Variants in RSU1 observed in about 807,000 individuals in gnomAD.
The protein encoded by RSU1 is Ras suppressor protein 1, also known as rsu-1.
Under a neutral mutation model 31.1 loss-of-function variants are expected in RSU1, and 26 were observed. The ratio of observed to expected loss-of-function variants is 0.84; its 90% confidence interval spans 0.61 to 1.16. The LOEUF is 1.16. RSU1 is among the 50% of genes most tolerant of loss of function. RSU1 has a pLI of 0.00. For missense variants in RSU1, 320 were observed against 339.1 expected (o/e 0.94, Z 0.44); for synonymous variants, 164 against 136.3 (o/e 1.20, Z -1.41).
rs1833538368 is a variant in RSU1 at position 16,593,078 on chromosome 10, T to C, written c.*316A>G. 1 of 218,030 alleles carries C rather than the reference T, an allele frequency of 4.6e-6. No individual in the cohort carries two copies. Among genetic ancestry groups the C allele is most frequent in the African/African-American group, 2.3e-5 (1 of 44,128 alleles). 13.5% of individuals were successfully genotyped at this position (218,030 alleles called of 1,614,324 possible). On this transcript the variant is annotated 3_prime_UTR_variant, in exon 9 of 9. Coordinates refer to ENST00000345264, the MANE Select transcript of RSU1 (RefSeq NM_012425.4). ...TGGTTACATGATTTTAATTATTCTT[T>C]TGATAATAAGCAACCTTGTGATATC...
chr10:16,725,336 T>C (rs1432385103), intron 7 of RSU1, among the ~76,000 whole-genome samples: 1 of 152,120 alleles, frequency 6.6e-6, no homozygotes, highest in Non-Finnish European at 1.5e-5. Flanking sequence ...AAAGACAGTA[T>C]CTACAAGATT....
At chr10:16,737,467 T>A (rs1177376024) in intron 7 of RSU1, among the ~76,000 whole-genome samples, 2 of 147,632 alleles carry the variant, frequency 1.4e-5, no homozygotes, top group Non-Finnish European at 3.0e-5. Flanking sequence ...GTAAAAAAAA[T>A]AAAAAACCTG....
At chr10:16,686,077 T>A (rs7909324) in intron 8 of RSU1, among the ~76,000 whole-genome samples, 10 of 152,228 alleles carry the variant, frequency 6.6e-5, no homozygotes, top group Admixed American at 4.6e-4. Context: ...CATTTTAATC[T>A]AAAATAACTG....
chr10:16,775,596 G>A (rs1251744397), intron 3 of RSU1, among the ~76,000 whole-genome samples: 5 of 152,114 alleles, frequency 3.3e-5, no homozygotes, highest in African/African-American at 9.7e-5. Flanking sequence ...GACTTCATTC[G>A]CTGGCCTTGG....
At position 16,776,312 on chromosome 10, in the gene RSU1, T is replaced by G. The variant is rs537614984; in HGVS notation, c.160+5722A>C. Among the ~76,000 whole-genome samples, 10 of 152,346 alleles carry G rather than the reference T, an allele frequency of 6.6e-5. No homozygotes were observed. The East Asian group carries it at 1.7e-3, about 26-fold the overall frequency. On this transcript the variant is annotated intron_variant, in intron 3 of 8. Transcript: ENST00000345264. ...CTTAATTTGTTTATAATATGACTTA[T>G]GGTAGATAATCAATGTATACATCTG...
At position 16,593,377 on chromosome 10, in the gene RSU1, C is replaced by T. The variant is rs773921937; in HGVS notation, c.*17G>A. 1.1e-5 allele frequency: 17 copies of T among 1,613,770 alleles called. No homozygotes were observed. Among genetic ancestry groups the T allele is most frequent in the Admixed American group, 8.3e-5 (5 of 59,982 alleles). ...AGAGAGAAGGTGCTGGAAGGCCAGC[C>T]GATGCCAATCCCTTCCTTATCTGTT... On this transcript the variant is annotated 3_prime_UTR_variant, in exon 9 of 9. Coordinates refer to ENST00000345264, the MANE Select transcript of RSU1 (RefSeq NM_012425.4).
At chr10:16,633,652 A>G (rs919517239) in intron 8 of RSU1, among the ~76,000 whole-genome samples, 6 of 152,150 alleles carry the variant, frequency 3.9e-5, no homozygotes, top group Non-Finnish European at 7.4e-5. Flanking sequence ...CAGGGGCCAG[A>G]CGACAACCAG....
At chr10:16,744,524 A>C (rs1836811262) in intron 7 of RSU1, among the ~76,000 whole-genome samples, 1 of 152,232 alleles carries the variant, frequency 6.6e-6, no homozygotes, top group Admixed American at 6.5e-5. Context: ...ATGGATAAAG[A>C]AGTGAGTCTA....
chr10:16,692,703 A>G (rs1170392350), intron 8 of RSU1, among the ~76,000 whole-genome samples: 2 of 152,174 alleles, frequency 1.3e-5, no homozygotes, highest in African/African-American at 2.4e-5. Flanking sequence ...ATAATTAACT[A>G]ATTTCTAAGG....
At chr10:16,768,678 T>A (rs1837367743) in intron 3 of RSU1, among the ~76,000 whole-genome samples, 1 of 152,210 alleles carries the variant, frequency 6.6e-6, no homozygotes, top group Non-Finnish European at 1.5e-5. Context: ...CAGTTCCGCC[T>A]AACACACCCG....
chr10:16,755,564 C>T (rs972052265), intron 4 of RSU1, among the ~76,000 whole-genome samples: 18 of 151,948 alleles, frequency 1.2e-4, no homozygotes, highest in East Asian at 3.9e-4. Flanking sequence ...TTAACACACG[C>T]GCTGCCTCAT....
At chr10:16,779,922 TGAA>T (rs1837614235) in intron 3 of RSU1, among the ~76,000 whole-genome samples, 1 of 152,132 alleles carries the variant, frequency 6.6e-6, no homozygotes, top group African/African-American at 2.4e-5. Context: ...CAGGATGGCT[TGAA>T]ACAGAATTTA....
chr10:16,813,984 A>G (rs1439369856), intron 2 of RSU1, among the ~76,000 whole-genome samples: 1 of 152,256 alleles, frequency 6.6e-6, no homozygotes, highest in African/African-American at 2.4e-5. Flanking sequence ...TTATCTTCAA[A>G]GCTTAATTCT....
At chr10:16,649,633 T>C (rs1209952786) in intron 8 of RSU1, among the ~76,000 whole-genome samples, 3 of 152,206 alleles carry the variant, frequency 2.0e-5, no homozygotes, top group Admixed American at 2.0e-4. Context: ...AAGTTCTTTA[T>C]AGGCACGTGA....
In RSU1 at chr10:16,695,163, G is replaced by GGGT. The variant is rs1554767094; in HGVS notation, c.599-9_599-8insACC. The GGGT allele has an allele frequency of 1.8e-5, 27 of 1,472,928 alleles. 1 individual carries two copies. Among genetic ancestry groups the GGGT allele is most frequent in the East Asian group, 2.5e-5 (1 of 40,230 alleles). The allele number at this position is 1,472,928 out of a possible 1,614,324, so 91.2% of individuals were successfully genotyped here. A position where few individuals can be genotyped will look rare whatever the true frequency, so the allele number is the denominator to read the frequency against. ...CAGTTAAATCCAAGTTTCCTGGGGG[G>GGGT]GGGGAAAAAAAAAGTGAAGGTCACT... On this transcript the variant is annotated splice_polypyrimidine_tract_variant and intron_variant, in intron 7 of 8. Transcript: ENST00000345264.
intron 8 of RSU1, among the ~76,000 whole-genome samples, chr10:16,669,608 G>C (rs2131535769): frequency 6.6e-6 from 1 of 152,208 alleles, no homozygotes; most frequent in African/African-American, 2.4e-5. Flanking sequence ...TTATGTGTGT[G>C]TGTTGTTCCC....
chr10:16,659,741 T>G (rs933729494), intron 8 of RSU1, among the ~76,000 whole-genome samples: 8 of 152,226 alleles, frequency 5.3e-5, no homozygotes, highest in African/African-American at 1.9e-4. Context: ...TTTCTGACCC[T>G]TCACTCTTCC....
Position 16,592,743 on chromosome 10 carries a change from T to C in RSU1, c.*651A>G, listed in dbSNP as rs1833530147. ...AGAAAAAAAAAACTTGACAAATTAA[T>C]GTGAGAAGAAACGAACTGTGATTTA... On this transcript the variant is annotated 3_prime_UTR_variant, in exon 9 of 9. Transcript: ENST00000345264. 6.6e-6 allele frequency: 1 copy of C among 152,188 alleles called. No homozygotes were observed. The allele number at this position is 152,188 out of a possible 1,614,324, so 9.4% of individuals were successfully genotyped here.
At chr10:16,620,398 T>C (rs1370524006) in intron 8 of RSU1, among the ~76,000 whole-genome samples, 2 of 152,116 alleles carry the variant, frequency 1.3e-5, no homozygotes, top group South Asian at 4.2e-4. Flanking sequence ...TGCTCTTTCA[T>C]TTACACATGA....
Sources: gnomAD v4.1 joint callset for allele counts (sites outside exome capture counted in the v4.1 genomes callset) on GRCh38, gnomAD v4.1.1 for gene constraint, MANE v1.5 for transcripts, NCBI Gene and HGNC (gene_info 2026-07-23, HGNC 2026-07-21) for gene names.